C5: variants seen among roughly 807,000 people sequenced by gnomAD.
C5 encodes C3 and PZP-like alpha-2-macroglobulin domain-containing protein 4.
In C5, 140 loss-of-function variants were observed where a neutral mutation model predicts 218.8. That is an observed-to-expected ratio of 0.64 (90% CI 0.56 to 0.74). The LOEUF (loss-of-function observed/expected upper bound fraction) is 0.74, where lower values mean the gene tolerates loss of function less well. Among genes scored for constraint, C5 ranks in the 30% least tolerant of loss-of-function variants. The pLI, the probability that C5 is intolerant of heterozygous loss-of-function variation, is 0.00. For missense variants in C5, 1,700 were observed against 1,969.6 expected, an observed-to-expected ratio of 0.86 and a Z score of 2.59; for synonymous variants, 614 against 682.3, an observed-to-expected ratio of 0.90 and a Z score of 1.56.
intron 25 of C5, among the ~76,000 whole-genome samples, chr9:120,983,037 G>A (rs1412784887): frequency 6.6e-6 from 1 of 152,138 alleles, no homozygotes; most frequent in Non-Finnish European, 1.5e-5. Flanking sequence ...AACATTGTCC[G>A]CTAGCACACA....
At chr9:121,040,628 A>C (rs1256337276) in intron 3 of C5, among the ~76,000 whole-genome samples, 2 of 152,302 alleles carry the variant, frequency 1.3e-5, no homozygotes, top group South Asian at 2.1e-4. Flanking sequence ...CCTAGTGCTT[A>C]CTGTGTGCTT....
upstream of C5, among the ~76,000 whole-genome samples, chr9:121,051,857 G>A (rs1193942714): frequency 6.6e-6 from 1 of 152,066 alleles, no homozygotes; most frequent in African/African-American, 2.4e-5. Context: ...GCAAAAGATG[G>A]GTCAAGTTAA....
chr9:120,963,095 CTCT>C (rs1256830861), intron 34 of C5, 128 bp from the exon 35 acceptor site: 2 of 786,280 alleles, frequency 2.5e-6, no homozygotes, highest in Admixed American at 1.9e-5. Flanking sequence ...AGAGCAGTTC[CTCT>C]TCTTGAAAAA....
chr9:121,023,856 G>C (rs536071427), intron 9 of C5, among the ~76,000 whole-genome samples: 5 of 152,022 alleles, frequency 3.3e-5, no homozygotes, highest in African/African-American at 1.2e-4. Flanking sequence ...TGTATTCAAG[G>C]GATTGAGGAG....
At chr9:121,061,892 GCTTT>G in the C5 span, among the ~76,000 whole-genome samples, 2 of 152,074 alleles carry the variant, frequency 1.3e-5, no homozygotes, top group South Asian at 4.1e-4. Context: ...CTCCACCTTT[GCTTT>G]CTGAGGACAA....
chr9:120,971,641 G>T (rs529328963), intron 31 of C5, among the ~76,000 whole-genome samples: 32 of 152,292 alleles, frequency 2.1e-4, no homozygotes, highest in Middle Eastern at 6.8e-3. Flanking sequence ...GTTTCACCGT[G>T]TTAGCCAGGG....
upstream of C5, among the ~76,000 whole-genome samples, chr9:121,051,119 T>A (rs997005222): frequency 1.6e-4 from 24 of 149,802 alleles, 1 homozygote; most frequent in African/African-American, 4.7e-4. Flanking sequence ...ATTTTATCTT[T>A]ATACTTTTTT....
intron 10 of C5, 28 bp from the exon 11 acceptor site, chr9:121,021,722 T>C (rs967180818): frequency 1.8e-5 from 28 of 1,551,514 alleles, no homozygotes; most frequent in Non-Finnish European, 2.1e-5. Flanking sequence ...CCAAATCTAT[T>C]TCAACAGCTC....
chr9:120,956,963 C>T (rs1181208381), intron 39 of C5: 1 of 345,066 alleles, frequency 2.9e-6, no homozygotes, highest in East Asian at 7.4e-5. Flanking sequence ...ATACCAAACC[C>T]CCAAAACATG....
intron 25 of C5, among the ~76,000 whole-genome samples, 188 bp downstream of exon 25, chr9:120,988,858 A>C (rs1245989985): frequency 2.6e-5 from 4 of 152,206 alleles, no homozygotes; most frequent in African/African-American, 9.7e-5. Flanking sequence ...GGTGAGAAGT[A>C]GTCAAATTAA....
At chr9:120,980,313 T>C (rs1192834998) in intron 27 of C5, 59 bp from the exon 28 acceptor site, 10 of 1,437,138 alleles carry the variant, frequency 7.0e-6, no homozygotes, top group Non-Finnish European at 9.8e-6. Flanking sequence ...TCAATTGATA[T>C]GAACTACCCT....
At chr9:121,045,074 C>T (rs541328443) in intron 2 of C5, among the ~76,000 whole-genome samples, 9 of 151,472 alleles carry the variant, frequency 5.9e-5, no homozygotes, top group African/African-American at 1.7e-4. Context: ...CTCAGTCTCC[C>T]GAGTAGCTGG....
intron 8 of C5, among the ~76,000 whole-genome samples, chr9:121,026,118 C>T (rs548853741): frequency 3.9e-5 from 6 of 152,268 alleles, no homozygotes; most frequent in African/African-American, 1.4e-4. Flanking sequence ...TTTAGCTTTA[C>T]ATCCCAGTGT....
Position 121,020,182 on chromosome 9 carries a change from G to C in C5, c.1303-3C>G. The C allele has an allele frequency of 6.2e-7, 1 of 1,611,306 alleles. No individual in the cohort carries two copies. Among genetic ancestry groups the C allele is most frequent in the Non-Finnish European group, 8.5e-7 (1 of 1,177,486 alleles). On this transcript the variant is annotated splice_region_variant and splice_polypyrimidine_tract_variant and intron_variant, in intron 11 of 40. Transcript: ENST00000223642. ...AGATCTGGAGCATCAGTTTTGACCT[G>C]AAAAGAGAAATTTCAAAAAGACATG...
intron 6 of C5, 62 bp from the exon 7 acceptor site, chr9:121,030,549 C>A (rs2047465594): frequency 4.3e-6 from 4 of 926,952 alleles, no homozygotes; most frequent in African/African-American, 1.7e-5. Flanking sequence ...TAAAGCCTAG[C>A]AAACAGCTAG....
intron 2 of C5, among the ~76,000 whole-genome samples, 173 bp downstream of exon 2, chr9:121,046,018 T>C (rs1248726982): frequency 6.6e-6 from 1 of 152,178 alleles, no homozygotes; most frequent in Non-Finnish European, 1.5e-5. Context: ...TAGAATTTTC[T>C]GTTTCTGTTA....
intron 22 of C5, among the ~76,000 whole-genome samples, chr9:120,993,882 C>T (rs2159776): frequency 0.51 from 77,392 of 151,854 alleles, 20,223 homozygotes; most frequent in South Asian, 0.72. Flanking sequence ...AGTGGGTACA[C>T]TTGGAGGAAG....
upstream of C5, among the ~76,000 whole-genome samples, chr9:121,054,934 T>C (rs866578731): frequency 1.3e-5 from 2 of 152,086 alleles, no homozygotes; most frequent in South Asian, 2.1e-4. Context: ...CTGCTACCTA[T>C]GAGGATTCAT....
At chr9:120,980,289 C>T (rs1368003952) in intron 27 of C5, 35 bp from the exon 28 acceptor site, 4 of 1,581,618 alleles carry the variant, frequency 2.5e-6, no homozygotes, top group Non-Finnish European at 3.5e-6. Context: ...GTTTCTATGT[C>T]AAGCAACCAC....
Sources: gnomAD v4.1 joint callset for allele counts (sites outside exome capture counted in the v4.1 genomes callset) on GRCh38, gnomAD v4.1.1 for gene constraint, MANE v1.5 for transcripts, NCBI Gene and HGNC (gene_info 2026-07-23, HGNC 2026-07-21) for gene names.